Variants in SEH1L observed in about 807,000 individuals in gnomAD.
The protein encoded by SEH1L is nucleoporin SEH1.
In SEH1L, 18 loss-of-function variants were observed where a neutral mutation model predicts 49.5. The observed-to-expected ratio is 0.36, with a 90% confidence interval of 0.25 to 0.54. SEH1L has a LOEUF of 0.54. Ranked by LOEUF, SEH1L falls within the 20% of genes least tolerant of loss-of-function variation. SEH1L has a pLI of 0.87. For synonymous variants in SEH1L, 169 were observed against 178.1 expected (o/e 0.95, Z 0.41); for missense variants, 404 against 528.8 (o/e 0.76, Z 2.31).
intron 1 of SEH1L, 178 bp downstream of exon 1, chr18:12,948,410 G>T: frequency 4.0e-6 from 2 of 494,764 alleles, no homozygotes; most frequent in East Asian, 3.6e-5. Flanking sequence ...GTGGGGTCAC[G>T]GCGGCCTCGC....
At chr18:12,958,907 C>T (rs959046475) in intron 3 of SEH1L, among the ~76,000 whole-genome samples, 1 of 152,142 alleles carries the variant, frequency 6.6e-6, no homozygotes, top group Non-Finnish European at 1.5e-5. Flanking sequence ...CTATGTTTCA[C>T]GTTTTTAGGA....
In SEH1L at chr18:12,982,549, A is replaced by G. The variant is rs745776891; in HGVS notation, c.793A>G (p.Lys265Glu). 1.2e-6 allele frequency: 2 copies of G among 1,612,072 alleles called. No individual in the cohort carries two copies. Among genetic ancestry groups the G allele is most frequent in the South Asian group, 2.2e-5 (2 of 90,228 alleles). Residue 265 changes from lysine (K) to glutamate (E), a missense_variant, in exon 7 of 9, where the codon AAG becomes GAG. Lys to Glu is a moderately conservative substitution (Grantham distance 56). This residue lies in a region of SEH1L where 342 missense variants were observed against 430.8 expected (regional missense o/e 0.79). Coordinates refer to ENST00000399892, the MANE Select transcript of SEH1L (RefSeq NM_001013437.2). ...ACTGACTTCCTCTGGTGGGCCAACA[A>G]AGTTTGAAATCCATATAGTGGCTCA... ...KELTSSGGPT[K>E]FEIHIVAQFD... is the part of the protein sequence containing the mutation.
chr18:12,984,279 A>C (rs770069655), intron 8 of SEH1L, 89 bp downstream of exon 8: 16 of 1,333,464 alleles, frequency 1.2e-5, no homozygotes, highest in Admixed American at 5.4e-5. Context: ...CATGGATTAT[A>C]AGATGGAGTG....
At chr18:12,954,052 T>C (rs575306434) in intron 2 of SEH1L, among the ~76,000 whole-genome samples, 1 of 152,272 alleles carries the variant, frequency 6.6e-6, no homozygotes, top group East Asian at 1.9e-4. Context: ...TTAAAGATGA[T>C]ACAGAAAAGA....
At chr18:12,958,499 C>A (rs1164436072) in intron 3 of SEH1L, among the ~76,000 whole-genome samples, 2 of 152,162 alleles carry the variant, frequency 1.3e-5, no homozygotes, top group Non-Finnish European at 2.9e-5. Context: ...AACATAAACT[C>A]CATATTTTTA....
chr18:12,984,002 A>AT lies in SEH1L; in HGVS notation c.920-36dup, dbSNP rs1353733804. On this transcript the variant is annotated intron_variant, in intron 7 of 8. Coordinates refer to ENST00000399892, the MANE Select transcript of SEH1L (RefSeq NM_001013437.2). ...CAGATTTGTGCCCTTAGGCATTGGTATTAATCATGTTAATGTATTTGATTA... is the reference window on the plus strand; with the variant it reads ...CAGATTTGTGCCCTTAGGCATTGGTATTTAATCATGTTAATGTATTTGATTA... 1.9e-6 allele frequency: 3 copies of AT among 1,561,536 alleles called. No individual in the cohort carries two copies. The South Asian group carries it at 3.4e-5, about 17-fold the overall frequency.
chr18:12,979,916 CAGAGGGGCTCCTCACTTCCCA>C, intron 6 of SEH1L, among the ~76,000 whole-genome samples: 1 of 136,206 alleles, frequency 7.3e-6, no homozygotes, highest in Non-Finnish European at 1.6e-5. Context: ...GCTGGCCGGG[CAGAGGGGCTCCTCACTTCCCA>C]GTAGGGGCGG....
chr18:12,961,397 A>G (rs1187458606), intron 3 of SEH1L, among the ~76,000 whole-genome samples: 4 of 152,106 alleles, frequency 2.6e-5, no homozygotes, highest in Non-Finnish European at 1.5e-5. Flanking sequence ...AGAAAGTTTA[A>G]CAACTGCCTG....
chr18:12,955,712 C>T (rs2030811516), intron 3 of SEH1L, 103 bp downstream of exon 3: 2 of 1,176,302 alleles, frequency 1.7e-6, no homozygotes, highest in South Asian at 1.5e-5. Context: ...CACCACTCCC[C>T]TCTAGTTTTA....
chr18:12,982,241 G>GTT (rs1023055883), intron 6 of SEH1L, among the ~76,000 whole-genome samples: 1 of 151,972 alleles, frequency 6.6e-6, no homozygotes, highest in Non-Finnish European at 1.5e-5. Flanking sequence ...AAATCATCCT[G>GTT]TTTTGTTGTT....
intron 4 of SEH1L, among the ~76,000 whole-genome samples, chr18:12,966,919 G>A (rs2031477821): frequency 6.6e-6 from 1 of 152,058 alleles, no homozygotes; most frequent in Non-Finnish European, 1.5e-5. Flanking sequence ...TGTTCTCCAG[G>A]TATACATTTT....
At chr18:12,962,457 T>TTC (rs200141163) in intron 3 of SEH1L, among the ~76,000 whole-genome samples, 1,312 of 130,624 alleles carry the variant, frequency 0.01, 50 homozygotes, top group African/African-American at 0.032. Context: ...TTGCATGCCT[T>TTC]TCTTTTTTTT....
At chr18:12,952,433 A>G (rs550274406) in intron 2 of SEH1L, among the ~76,000 whole-genome samples, 1 of 152,208 alleles carries the variant, frequency 6.6e-6, no homozygotes, top group African/African-American at 2.4e-5. Context: ...GGGTTTCGCC[A>G]TGTTGGCCAG....
intron 6 of SEH1L, among the ~76,000 whole-genome samples, chr18:12,980,341 C>A: frequency 7.9e-6 from 1 of 126,600 alleles, no homozygotes; most frequent in Non-Finnish European, 1.7e-5. Context: ...CCCCTCACCT[C>A]CCGGACAGGG....
chr18:12,962,080 C>CCCTGTTA (rs2031202923), intron 3 of SEH1L, among the ~76,000 whole-genome samples: 1 of 152,056 alleles, frequency 6.6e-6, no homozygotes, highest in Non-Finnish European at 1.5e-5. Flanking sequence ...TTCTTTTGGT[C>CCCTGTTA]CCTGTTAAAA....
chr18:12,971,981 T>G (rs2031725157), intron 5 of SEH1L: 1 of 152,254 alleles, frequency 6.6e-6, no homozygotes, highest in Non-Finnish European at 1.5e-5. Context: ...GCAAGACTTG[T>G]ATCTATAAGA....
At chr18:12,982,839 A>T in intron 7 of SEH1L, 164 bp downstream of exon 7, 1 of 560,988 alleles carries the variant, frequency 1.8e-6, no homozygotes, top group South Asian at 2.9e-5. Flanking sequence ...AGTTCATAGA[A>T]GTTAATGACT....
chr18:12,953,228 G>T (rs1484180957), intron 2 of SEH1L, among the ~76,000 whole-genome samples: 1 of 152,192 alleles, frequency 6.6e-6, no homozygotes, highest in Non-Finnish European at 1.5e-5. Context: ...GTAGTCCGTT[G>T]TATGTATATT....
intron 3 of SEH1L, among the ~76,000 whole-genome samples, chr18:12,960,295 C>G (rs1340119572): frequency 1.3e-5 from 2 of 152,196 alleles, no homozygotes; most frequent in African/African-American, 2.4e-5. Context: ...CAAGCAAGGG[C>G]CTGATACAAA....
Sources: allele counts gnomAD v4.1 joint callset (sites outside exome capture counted in the v4.1 genomes callset), GRCh38; gene constraint gnomAD v4.1.1; regional missense constraint gnomAD v4.1.1; transcripts MANE v1.5; gene names NCBI Gene and HGNC (gene_info 2026-07-23, HGNC 2026-07-21).